SPNS3: variants seen among roughly 807,000 people sequenced by gnomAD.
The protein encoded by SPNS3 is protein spinster homolog 3.
SPNS3 carries 51 observed loss-of-function variants against 54.4 expected under a neutral mutation model. The observed-to-expected ratio is 0.94, with a 90% CI of 0.75 to 1.18. The LOEUF is 1.18. Among genes scored for constraint, SPNS3 ranks in the 50% most tolerant of loss-of-function variants. The pLI is 0.00. For synonymous variants in SPNS3, 309 were observed against 294.7 expected, an observed-to-expected ratio of 1.05 and a Z score of -0.50; for missense variants, 669 against 677.4, an observed-to-expected ratio of 0.99 and a Z score of 0.14.
chr17:4,434,773 G>C (rs1046274292), intron 1 of SPNS3, among the ~76,000 whole-genome samples: 2 of 150,222 alleles, frequency 1.3e-5, no homozygotes, highest in Non-Finnish European at 3.0e-5. Context: ...CTCCCAAAGT[G>C]CTGGGATTAC....
At chr17:4,478,890 C>T (rs74666636) in intron 9 of SPNS3, among the ~76,000 whole-genome samples, 1,740 of 152,294 alleles carry the variant, frequency 0.011, 10 homozygotes, top group Middle Eastern at 0.02. Context: ...ACAGCCCCAA[C>T]GCAGGGAGCC....
intron 8 of SPNS3, among the ~76,000 whole-genome samples, chr17:4,461,934 T>C (rs1971518209): frequency 6.6e-6 from 1 of 152,086 alleles, no homozygotes; most frequent in South Asian, 2.1e-4. Context: ...GTCCAGGGGA[T>C]ATGGAATCAT....
At chr17:4,478,544 C>A (rs767921045) in intron 8 of SPNS3, 28 bp from the exon 9 acceptor site, 2 of 1,555,510 alleles carry the variant, frequency 1.3e-6, no homozygotes, top group Non-Finnish European at 1.7e-6. Context: ...ATCTGGGAAT[C>A]CTCACCCAGG....
chr17:4,470,852 C>T (rs1430991164), intron 8 of SPNS3, among the ~76,000 whole-genome samples: 2 of 152,178 alleles, frequency 1.3e-5, no homozygotes, highest in African/African-American at 4.8e-5. Context: ...TCTCTCCCTT[C>T]TCTCCCCAAC....
chr17:4,449,544 C>CCTGGCT (rs766946443), intron 7 of SPNS3, among the ~76,000 whole-genome samples, 157 bp downstream of exon 7: 10 of 152,110 alleles, frequency 6.6e-5, no homozygotes, highest in East Asian at 1.9e-4. Flanking sequence ...CAGCAGGAGG[C>CCTGGCT]CTGGCTCTGG....
At chr17:4,454,129 T>C (rs970471537) in intron 8 of SPNS3, among the ~76,000 whole-genome samples, 1 of 152,182 alleles carries the variant, frequency 6.6e-6, no homozygotes, top group Non-Finnish European at 1.5e-5. Flanking sequence ...AGAATTCACG[T>C]TCCCACTTGG....
In SPNS3 at chr17:4,483,789, G is replaced by A. The variant is rs556379415; in HGVS notation, c.1180-2439G>A. On this transcript the variant is annotated intron_variant, in intron 9 of 11. Coordinates refer to ENST00000355530, the MANE Select transcript of SPNS3 (RefSeq NM_182538.5). The surrounding 1 kb of genome is among the most constrained non-coding windows in gnomAD (Gnocchi z 4.2). ...ACCTGTACATGGTGGCTCAGTCCCA[G>A]TGACCCTGGGACCAGCGAGTCACTA... 6.6e-6 allele frequency: 1 copy of A among 152,292 alleles called. No homozygotes were observed. Among genetic ancestry groups the A allele is most frequent in the South Asian group, 2.1e-4 (1 of 4,828 alleles). 9.4% of individuals were successfully genotyped at this position (152,292 alleles called of 1,614,324 possible).
intron 8 of SPNS3, among the ~76,000 whole-genome samples, chr17:4,475,399 C>G (rs886409166): frequency 6.6e-6 from 1 of 152,202 alleles, no homozygotes; most frequent in Admixed American, 6.5e-5. Flanking sequence ...CTGGAGTGCA[C>G]TGGCCAGCGG....
chr17:4,484,893 C>A, intron 9 of SPNS3: 1 of 152,166 alleles, frequency 6.6e-6, no homozygotes. Flanking sequence ...TTGCAGGGAC[C>A]CCAAGAGAAA....
At chr17:4,449,645 G>C (rs929845305) in intron 7 of SPNS3, among the ~76,000 whole-genome samples, 1 of 152,106 alleles carries the variant, frequency 6.6e-6, no homozygotes. Flanking sequence ...TCTTGGGGCT[G>C]CTGTGGGCTC....
In SPNS3 at chr17:4,486,974, C is replaced by G. The variant is rs1972337236; in HGVS notation, c.1450+391C>G. Reference sequence around the variant, plus strand: ...GGATTACAAGGTTAGGAGTTCAAGACCAGCCTGGGCAACATGGTGAAGCCC... The same window carrying G: ...GGATTACAAGGTTAGGAGTTCAAGAGCAGCCTGGGCAACATGGTGAAGCCC... On this transcript the variant is annotated intron_variant, in intron 11 of 11. Coordinates refer to ENST00000355530, the MANE Select transcript of SPNS3 (RefSeq NM_182538.5). The surrounding 1 kb of genome is among the most constrained non-coding windows in gnomAD (Gnocchi z 5.5). Among the ~76,000 whole-genome samples the G allele has an allele frequency of 6.6e-6, 1 of 151,876 alleles. No homozygotes were observed. The highest frequency in any genetic ancestry group is 1.9e-4 in the East Asian group (1 of 5,182).
intron 8 of SPNS3, among the ~76,000 whole-genome samples, chr17:4,468,986 C>T (rs764269032): frequency 3.3e-5 from 5 of 151,834 alleles, no homozygotes; most frequent in South Asian, 2.1e-4. Flanking sequence ...GGGGGTTTCA[C>T]GATGTTGCCC....
At chr17:4,460,406 T>A (rs2144108961) in intron 8 of SPNS3, among the ~76,000 whole-genome samples, 1 of 151,382 alleles carries the variant, frequency 6.6e-6, no homozygotes, top group Non-Finnish European at 1.5e-5. Context: ...TCATTGTGGG[T>A]AATCATTTTT....
Position 4,445,053 on chromosome 17 carries a change from T to C in SPNS3, c.287T>C (p.Leu96Pro), listed in dbSNP as rs758977771. The C allele has an allele frequency of 1.2e-5, 19 of 1,614,114 alleles. No homozygotes were observed. The highest frequency in any genetic ancestry group is 3.3e-5 in the South Asian group (3 of 91,070). The change falls in exon 3 of 12, where the codon CTG becomes CCG. Residue 96 changes from leucine (L) to proline (P), a missense_variant. Coordinates refer to ENST00000355530, the MANE Select transcript of SPNS3 (RefSeq NM_182538.5). ...LQTVFVSCLLLSAPVFGYLGD... is the reference protein window; with the variant it reads ...LQTVFVSCLLPSAPVFGYLGD... ...TCAGTCTTCGTTAGCTGCCTGCTGC[T>C]GTCTGCACCTGTGTTTGGCTACCTG...
chr17:4,447,405 G>T (rs1204026760), intron 5 of SPNS3, among the ~76,000 whole-genome samples: 2 of 152,206 alleles, frequency 1.3e-5, no homozygotes, highest in Non-Finnish European at 2.9e-5. Context: ...GGCAGGCCCC[G>T]CTGGGGCTCC....
In SPNS3 at chr17:4,445,036, C is replaced by A; in HGVS notation, c.270C>A (p.Phe90Leu). The A allele has an allele frequency of 6.2e-7, 1 of 1,613,448 alleles. No homozygotes were observed. Among genetic ancestry groups the A allele is most frequent in the South Asian group, 1.1e-5 (1 of 90,978 alleles). Residue 90 changes from phenylalanine (F) to leucine (L), a missense_variant, in exon 3 of 12, where the codon TTC becomes TTA. Physicochemically the swap from Phe to Leu is conservative, Grantham distance 22. Transcript: ENST00000355530. ...GCCCCTGTGTGTCTCCTTCAGTCTT[C>A]GTTAGCTGCCTGCTGCTGTCTGCAC... The part of the protein sequence containing the change: ...DNHAGLLQTV[F>L]VSCLLLSAPV...
rs745855154 is a variant in SPNS3 at position 4,445,174 on chromosome 17, T to C, written c.402+6T>C. 4.3e-6 allele frequency: 7 copies of C among 1,611,046 alleles called. No homozygotes were observed. The highest frequency in any genetic ancestry group is 4.5e-5 in the East Asian group (2 of 44,842). On this transcript the variant is annotated splice_donor_region_variant and intron_variant, in intron 3 of 11. Coordinates refer to ENST00000355530, the MANE Select transcript of SPNS3 (RefSeq NM_182538.5). ...GCTCCTTCATCTCCCCCCGGGTACG[T>C]GTCCATGCCCCTGTCCAGGCCCCTG... is the stretch of plus-strand genomic sequence containing the variant.
At chr17:4,484,835 G>A (rs779150185) in intron 9 of SPNS3, among the ~76,000 whole-genome samples, 1 of 152,046 alleles carries the variant, frequency 6.6e-6, no homozygotes, top group South Asian at 2.1e-4. Context: ...ACCTACTTGA[G>A]TTATTTGGTT....
intron 7 of SPNS3, among the ~76,000 whole-genome samples, chr17:4,452,659 T>A (rs1045473123): frequency 6.6e-5 from 10 of 151,604 alleles, no homozygotes; most frequent in African/African-American, 2.4e-4. Context: ...ACCCTGGAAT[T>A]CAGATTTTGA....
Sources: gnomAD v4.1 joint callset for allele counts (sites outside exome capture counted in the v4.1 genomes callset) on GRCh38, gnomAD v4.1.1 for gene constraint, Gnocchi (gnomAD v3.1) non-coding constraint, MANE v1.5 for transcripts, NCBI Gene and HGNC (gene_info 2026-07-23, HGNC 2026-07-21) for gene names.